Variants in DGKB observed in about 807,000 individuals in gnomAD.
DGKB encodes 90 kDa diacylglycerol kinase.
A neutral mutation model predicts 114.3 loss-of-function variants in DGKB; 67 were observed. That is an observed-to-expected ratio of 0.59 (90% CI 0.48 to 0.72). The LOEUF is 0.72. DGKB is among the 30% of genes least tolerant of loss of function. The pLI is 0.00. For synonymous variants in DGKB, 398 were observed against 323.1 expected (o/e 1.23, Z -2.49); for missense variants, 907 against 975.2 (o/e 0.93, Z 0.93).
intron 2 of DGKB, among the ~76,000 whole-genome samples, chr7:14,838,371 C>T (rs1847441599): frequency 6.6e-6 from 1 of 152,040 alleles, no homozygotes. Flanking sequence ...TCATATAATA[C>T]AGGAACTTTT....
chr7:14,172,451 G>T (rs1706299546), intron 25 of DGKB, among the ~76,000 whole-genome samples: 1 of 152,006 alleles, frequency 6.6e-6, no homozygotes, highest in African/African-American at 2.4e-5. Context: ...GAGAAAGAAA[G>T]GAAAAGATTC....
chr7:14,318,776 C>T (rs891024066), intron 23 of DGKB, among the ~76,000 whole-genome samples: 1 of 152,100 alleles, frequency 6.6e-6, no homozygotes, highest in Non-Finnish European at 1.5e-5. Context: ...ACCCAGCCAT[C>T]CCATTACTGG....
intron 1 of DGKB, among the ~76,000 whole-genome samples, chr7:14,951,185 G>A (rs942493706): frequency 1.3e-5 from 2 of 152,018 alleles, no homozygotes; most frequent in Non-Finnish European, 2.9e-5. Flanking sequence ...TCCTGAGATG[G>A]GAACAAGACA....
At chr7:14,901,292 T>C (rs1783015792) in intron 1 of DGKB, among the ~76,000 whole-genome samples, 1 of 152,128 alleles carries the variant, frequency 6.6e-6, no homozygotes, top group African/African-American at 2.4e-5. Flanking sequence ...AGAGAAAGAG[T>C]AGCACAATTT....
chr7:14,892,373 G>T (rs1781383947), intron 1 of DGKB, among the ~76,000 whole-genome samples: 1 of 151,154 alleles, frequency 6.6e-6, no homozygotes, highest in Non-Finnish European at 1.5e-5. Flanking sequence ...ATGACAAGAG[G>T]TATAAATAAA....
intron 18 of DGKB, 22 bp from the exon 19 acceptor site, chr7:14,580,973 A>T: frequency 6.5e-7 from 1 of 1,532,910 alleles, no homozygotes; most frequent in Non-Finnish European, 8.9e-7. Context: ...AAAAAAATAC[A>T]AATAAAGAAA....
chr7:14,804,823 A>G (rs556672003), intron 2 of DGKB, among the ~76,000 whole-genome samples: 159 of 152,146 alleles, frequency 1.0e-3, no homozygotes, highest in Non-Finnish European at 1.9e-3. Flanking sequence ...CACCTCAATG[A>G]CTATATTTTC....
At chr7:14,179,035 G>T (rs1304058667) in intron 23 of DGKB, among the ~76,000 whole-genome samples, 1 of 152,168 alleles carries the variant, frequency 6.6e-6, no homozygotes, top group Non-Finnish European at 1.5e-5. Flanking sequence ...GAGCCAAAAA[G>T]TGAACCTAAT....
At chr7:14,758,203 C>G (rs1328788624) in intron 2 of DGKB, among the ~76,000 whole-genome samples, 1 of 151,934 alleles carries the variant, frequency 6.6e-6, no homozygotes, top group Non-Finnish European at 1.5e-5. Flanking sequence ...AAAGCTTACC[C>G]TATTCAATGA....
chr7:14,365,409 G>A (rs1276376016), intron 21 of DGKB, among the ~76,000 whole-genome samples: 2 of 151,950 alleles, frequency 1.3e-5, no homozygotes, highest in Admixed American at 1.3e-4. Context: ...AGTGATATAT[G>A]TAAAAGAATC....
At chr7:14,845,899 A>G (rs913148718) in intron 1 of DGKB, among the ~76,000 whole-genome samples, 4 of 152,092 alleles carry the variant, frequency 2.6e-5, no homozygotes, top group African/African-American at 4.8e-5. Context: ...ATTATTTCAC[A>G]CATTTTGTGA....
intron 21 of DGKB, among the ~76,000 whole-genome samples, chr7:14,359,469 A>C (rs971630797): frequency 6.6e-6 from 1 of 152,202 alleles, no homozygotes; most frequent in African/African-American, 2.4e-5. Flanking sequence ...TGAAAGTGGG[A>C]TCTAATTAAA....
At chr7:14,320,130 C>T (rs1807460145) in intron 23 of DGKB, among the ~76,000 whole-genome samples, 3 of 152,254 alleles carry the variant, frequency 2.0e-5, no homozygotes, top group Admixed American at 2.0e-4. Context: ...ACATTTGGTC[C>T]TAAGAGTCAT....
At chr7:14,255,134 C>T (rs948175038) in intron 23 of DGKB, among the ~76,000 whole-genome samples, 1 of 152,186 alleles carries the variant, frequency 6.6e-6, no homozygotes, top group South Asian at 2.1e-4. Context: ...CAGAACAAAG[C>T]AACTTTCTTA....
Position 14,466,373 on chromosome 7 carries a change from A to G in DGKB, c.1835+11788T>C, listed in dbSNP as rs191844318. Among the ~76,000 whole-genome samples the G allele has an allele frequency of 2.3e-3, 355 of 152,282 alleles. 2 individuals carry two copies. The highest frequency in any genetic ancestry group is 8.1e-3 in the African/African-American group (335 of 41,552). On this transcript the variant is annotated intron_variant, in intron 21 of 25. Transcript: ENST00000402815. ...AGAGATCGAGACAATCCTGGCTAAC[A>G]TGGTGAAACCCTGTCCTGTTAAAAA...
In DGKB at chr7:14,684,192, T is replaced by C. The variant is rs1370230533; in HGVS notation, c.829+1053A>G. 3.9e-5 allele frequency among the ~76,000 whole-genome samples: 6 copies of C among 152,190 alleles called. No homozygotes were observed. The East Asian group carries it at 7.7e-4, about 20-fold the overall frequency. Reference sequence around the variant, plus strand: ...CATATGCATATGTGGCATTAAAACATGGTATTAAATTTCAAGTAACACAGC... The same window carrying C: ...CATATGCATATGTGGCATTAAAACACGGTATTAAATTTCAAGTAACACAGC... On this transcript the variant is annotated intron_variant, in intron 10 of 25. Transcript: ENST00000402815.
At chr7:14,652,816 AAAC>A (rs1170938163) in intron 13 of DGKB, among the ~76,000 whole-genome samples, 1 of 152,210 alleles carries the variant, frequency 6.6e-6, no homozygotes, top group African/African-American at 2.4e-5. Flanking sequence ...AGAAAAAAAC[AAAC>A]AACCCCATCA....
chr7:14,594,710 G>A (rs2128751071), intron 17 of DGKB, among the ~76,000 whole-genome samples: 1 of 152,080 alleles, frequency 6.6e-6, no homozygotes, highest in Non-Finnish European at 1.5e-5. Context: ...ATTAGAATGA[G>A]GTTTTATTCT....
intron 4 of DGKB, among the ~76,000 whole-genome samples, chr7:14,738,671 A>C (rs1048612658): frequency 6.6e-5 from 10 of 152,252 alleles, no homozygotes; most frequent in African/African-American, 2.4e-4. Context: ...TTTGAAGAAG[A>C]AGCCTCAAAG....
Sources: allele counts gnomAD v4.1 joint callset (sites outside exome capture counted in the v4.1 genomes callset), GRCh38; gene constraint gnomAD v4.1.1; transcripts MANE v1.5; gene names NCBI Gene and HGNC (gene_info 2026-07-23, HGNC 2026-07-21).